The following PTAFR variants were observed in gnomAD, a reference collection of about 807,000 sequenced individuals.
The protein encoded by PTAFR is platelet-activating factor receptor.
PTAFR carries 8 observed loss-of-function variants against 14.7 expected under a neutral mutation model. The ratio of observed to expected loss-of-function variants is 0.54; its 90% CI spans 0.32 to 0.98. The LOEUF (loss-of-function observed/expected upper bound fraction) is 0.98, where lower values mean the gene tolerates loss of function less well. Among genes scored for constraint, PTAFR ranks in the 50% least tolerant of loss-of-function variants. The pLI is 0.04. For synonymous variants in PTAFR, 156 were observed against 176.5 expected (o/e 0.88, Z 0.92); for missense variants, 337 against 451.2 (o/e 0.75, Z 2.29).
intron 1 of PTAFR, among the ~76,000 whole-genome samples, chr1:28,167,051 C>T (rs1646393340): frequency 1.3e-5 from 2 of 152,056 alleles, no homozygotes; most frequent in South Asian, 4.1e-4. Flanking sequence ...TGGAATGGGT[C>T]ATAATTTCCT....
At chr1:28,171,590 AT>A (rs1646455475) in intron 1 of PTAFR, among the ~76,000 whole-genome samples, 1 of 152,136 alleles carries the variant, frequency 6.6e-6, no homozygotes, top group South Asian at 2.1e-4. Flanking sequence ...CCTCTGGGGA[AT>A]TCTGTGCCAG....
At position 28,175,014 on chromosome 1, in the gene PTAFR, C is replaced by T. The variant is rs571687990; in HGVS notation, c.-39+1578G>A. On this transcript the variant is annotated intron_variant, in intron 1 of 1. Transcript: ENST00000373857. Reference sequence around the variant, plus strand: ...CCATCTCAGCTCACTGCAACCTCCGCCTCCCAGGTTCAAGCAATTCTCCTG... The same window carrying T: ...CCATCTCAGCTCACTGCAACCTCCGTCTCCCAGGTTCAAGCAATTCTCCTG... Among the ~76,000 whole-genome samples the T allele has an allele frequency of 9.2e-5, 14 of 152,288 alleles. No individual in the cohort carries two copies. The East Asian group carries it at 2.7e-3, about 29-fold the overall frequency.
intron 1 of PTAFR, among the ~76,000 whole-genome samples, chr1:28,170,916 C>T (rs1003033306): frequency 1.1e-4 from 17 of 151,970 alleles, no homozygotes; most frequent in Admixed American, 3.9e-4. Flanking sequence ...AGGAGAATGG[C>T]GTGAACCCGG....
At chr1:28,193,183 G>A (rs1646669687) in intron 1 of PTAFR, among the ~76,000 whole-genome samples, 1 of 152,158 alleles carries the variant, frequency 6.6e-6, no homozygotes, top group African/African-American at 2.4e-5. Context: ...GTCTGTGTGT[G>A]TGTGTGTGTA....
At chr1:28,183,356 A>G (rs994081610) in intron 1 of PTAFR, among the ~76,000 whole-genome samples, 4 of 152,214 alleles carry the variant, frequency 2.6e-5, no homozygotes, top group African/African-American at 9.6e-5. Flanking sequence ...TAAAATAACG[A>G]GCTATTGCCC....
chr1:28,181,408 G>A (rs1474975313), upstream of PTAFR, among the ~76,000 whole-genome samples: 1 of 152,084 alleles, frequency 6.6e-6, no homozygotes, highest in African/African-American at 2.4e-5. Context: ...CTCAACAAAC[G>A]CACATGATAA....
chr1:28,157,639 T>A (rs549071358), intron 1 of PTAFR, among the ~76,000 whole-genome samples: 3 of 151,236 alleles, frequency 2.0e-5, no homozygotes, highest in South Asian at 2.1e-4. Context: ...GATTTTTTTT[T>A]TTTTTTTGAG....
At chr1:28,155,837 C>A (rs2148994411) in intron 1 of PTAFR, among the ~76,000 whole-genome samples, 1 of 152,266 alleles carries the variant, frequency 6.6e-6, no homozygotes, top group South Asian at 2.1e-4. Flanking sequence ...TACTGCACTC[C>A]AGCCTGGGCA....
intron 1 of PTAFR, among the ~76,000 whole-genome samples, chr1:28,188,807 C>T (rs1192242341): frequency 1.3e-5 from 2 of 152,042 alleles, no homozygotes; most frequent in Non-Finnish European, 2.9e-5. Flanking sequence ...AAAGAATTTT[C>T]AGGCATTGCA....
At chr1:28,165,142 CT>C (rs1468246525) in intron 1 of PTAFR, among the ~76,000 whole-genome samples, 1 of 152,074 alleles carries the variant, frequency 6.6e-6, no homozygotes, top group African/African-American at 2.4e-5. Context: ...TGGCTCATGC[CT>C]ATAATAATCC....
intron 1 of PTAFR, among the ~76,000 whole-genome samples, chr1:28,170,291 A>G (rs1363966015): frequency 2.0e-5 from 3 of 152,156 alleles, no homozygotes; most frequent in Non-Finnish European, 4.4e-5. Context: ...CTCTGTACAC[A>G]CACAGTCACA....
chr1:28,157,195 A>G (rs1191193459), intron 1 of PTAFR, among the ~76,000 whole-genome samples: 2 of 152,164 alleles, frequency 1.3e-5, no homozygotes, highest in Non-Finnish European at 1.5e-5. Flanking sequence ...ACTGGAGTGC[A>G]GTGGCACAAT....
At chr1:28,189,036 C>T (rs913473183) in intron 1 of PTAFR, among the ~76,000 whole-genome samples, 73 of 150,690 alleles carry the variant, frequency 4.8e-4, no homozygotes, top group Non-Finnish European at 5.5e-4. Context: ...GGATACAGAG[C>T]GATGGAAACT....
intron 1 of PTAFR, among the ~76,000 whole-genome samples, chr1:28,191,859 A>G (rs542331209): frequency 4.1e-4 from 62 of 151,932 alleles, no homozygotes; most frequent in Middle Eastern, 3.4e-3. Flanking sequence ...TGAGTTCAGG[A>G]GTTCAAAACC....
chr1:28,189,773 C>T (rs1193328217), intron 1 of PTAFR, among the ~76,000 whole-genome samples: 1 of 150,810 alleles, frequency 6.6e-6, no homozygotes, highest in African/African-American at 2.4e-5. Context: ...TCAAGGCGTC[C>T]TCCCACCTCA....
At chr1:28,165,394 ACT>A (rs1646371966) in intron 1 of PTAFR, among the ~76,000 whole-genome samples, 2 of 129,006 alleles carry the variant, frequency 1.6e-5, no homozygotes, top group South Asian at 2.6e-4. Context: ...ACAGAGCAAG[ACT>A]CTGTCTCAAA....
intron 1 of PTAFR, among the ~76,000 whole-genome samples, chr1:28,171,444 G>A (rs771104676): frequency 6.6e-6 from 1 of 152,110 alleles, no homozygotes; most frequent in Non-Finnish European, 1.5e-5. Context: ...GACATGCCCT[G>A]TTGCTTGATA....
upstream of PTAFR, among the ~76,000 whole-genome samples, chr1:28,179,840 T>C (rs1646548775): frequency 6.6e-6 from 1 of 151,458 alleles, no homozygotes; most frequent in Non-Finnish European, 1.5e-5. Flanking sequence ...AGAAAATATG[T>C]CCAAATTTGA....
intron 1 of PTAFR, among the ~76,000 whole-genome samples, chr1:28,193,565 G>A (rs1359872204): frequency 1.3e-5 from 2 of 152,052 alleles, no homozygotes; most frequent in African/African-American, 4.8e-5. Flanking sequence ...CAACAAAGAC[G>A]GGCCATGTGT....
Sources: gnomAD v4.1 joint callset for allele counts (sites outside exome capture counted in the v4.1 genomes callset) on GRCh38, gnomAD v4.1.1 for gene constraint, MANE v1.5 for transcripts, NCBI Gene and HGNC (gene_info 2026-07-23, HGNC 2026-07-21) for gene names.